ZNF618: variants seen among roughly 807,000 people sequenced by gnomAD.
ZNF618 encodes the protein zinc finger protein 618.
A neutral mutation model predicts 103.0 loss-of-function variants in ZNF618; 34 were observed. The ratio of observed to expected loss-of-function variants is 0.33; its 90% CI spans 0.25 to 0.44. ZNF618 has a LOEUF of 0.44. ZNF618 is among the 20% of genes least tolerant of loss of function. The probability of loss-of-function intolerance (pLI) is 1.00; values close to 1 mark genes in which losing one functional copy is unlikely to be tolerated. For missense variants in ZNF618, 1,059 were observed against 1,295.4 expected, an observed-to-expected ratio of 0.82 and a Z score of 2.80; for synonymous variants, 551 against 542.2, an observed-to-expected ratio of 1.02 and a Z score of -0.23.
intron 1 of ZNF618, among the ~76,000 whole-genome samples, chr9:113,913,129 G>T (rs902705693): frequency 5.3e-5 from 8 of 152,198 alleles, no homozygotes; most frequent in Admixed American, 2.0e-4. Context: ...GCTGCCACGT[G>T]TAAGAGCTGC....
At chr9:113,880,448 A>G (rs1383094084) in intron 1 of ZNF618, among the ~76,000 whole-genome samples, 3 of 152,178 alleles carry the variant, frequency 2.0e-5, no homozygotes, top group Admixed American at 2.0e-4. Context: ...GGAATTGGTT[A>G]TGGCTGCCTG....
chr9:113,951,609 A>G (rs376061641), intron 1 of ZNF618, among the ~76,000 whole-genome samples: 1,614 of 101,356 alleles, frequency 0.016, 107 homozygotes, highest in African/African-American at 0.017. Context: ...ATATATATGT[A>G]TATATATATA....
intron 1 of ZNF618, among the ~76,000 whole-genome samples, chr9:113,891,366 A>G (rs1490933654): frequency 2.0e-5 from 3 of 152,260 alleles, no homozygotes; most frequent in Non-Finnish European, 4.4e-5. Flanking sequence ...CCGAAGAAAT[A>G]TACAGATGGC....
intron 3 of ZNF618, among the ~76,000 whole-genome samples, chr9:113,992,350 C>T (rs575969417): frequency 1.8e-4 from 27 of 152,260 alleles, no homozygotes; most frequent in African/African-American, 6.5e-4. Context: ...CATTTTCTTT[C>T]GTGTTATGAA....
chr9:113,889,938 T>C (rs1282421104), intron 1 of ZNF618, among the ~76,000 whole-genome samples: 1 of 152,210 alleles, frequency 6.6e-6, no homozygotes, highest in Non-Finnish European at 1.5e-5. Flanking sequence ...AGTCCCTTGA[T>C]CTTCAAAACA....
At chr9:113,922,203 A>G (rs1479910994) in intron 1 of ZNF618, among the ~76,000 whole-genome samples, 3 of 152,268 alleles carry the variant, frequency 2.0e-5, no homozygotes, top group Non-Finnish European at 2.9e-5. Flanking sequence ...GGGACAATTT[A>G]TGCAGATAAA....
chr9:113,948,399 T>G (rs1034173858), intron 1 of ZNF618, among the ~76,000 whole-genome samples: 9 of 152,148 alleles, frequency 5.9e-5, no homozygotes, highest in Non-Finnish European at 1.2e-4. Context: ...TCTCTGGAAA[T>G]CCAGATCCTC....
At chr9:114,021,059 T>C (rs1843036133) in intron 10 of ZNF618, among the ~76,000 whole-genome samples, 3 of 152,100 alleles carry the variant, frequency 2.0e-5, no homozygotes, top group African/African-American at 7.2e-5. Context: ...TTATATTCTC[T>C]TTTGTTAGTA....
intron 3 of ZNF618, among the ~76,000 whole-genome samples, chr9:113,995,569 G>T (rs180807952): frequency 2.6e-5 from 4 of 152,278 alleles, no homozygotes; most frequent in African/African-American, 9.6e-5. Context: ...GCTGGCAGTG[G>T]ATAGAGTTTT....
chr9:113,964,498 A>ATG (rs1837174338), intron 1 of ZNF618, among the ~76,000 whole-genome samples: 1 of 152,040 alleles, frequency 6.6e-6, no homozygotes, highest in South Asian at 2.1e-4. Flanking sequence ...TTCCCGGGCA[A>ATG]TGAAGGGAGG....
At chr9:113,987,361 T>G (rs187968784) in intron 2 of ZNF618, among the ~76,000 whole-genome samples, 4 of 152,332 alleles carry the variant, frequency 2.6e-5, no homozygotes, top group Non-Finnish European at 5.9e-5. Context: ...CTTTAGTCCT[T>G]AGTGTCCCCC....
chr9:113,894,129 C>T (rs1829843211), intron 1 of ZNF618, among the ~76,000 whole-genome samples: 1 of 152,104 alleles, frequency 6.6e-6, no homozygotes, highest in African/African-American at 2.4e-5. Context: ...ATTTTTAAAT[C>T]TCACATTTTA....
At chr9:113,955,146 CTTTTT>C (rs3034066) in intron 1 of ZNF618, among the ~76,000 whole-genome samples, 2 of 130,544 alleles carry the variant, frequency 1.5e-5, no homozygotes, top group African/African-American at 2.8e-5. Flanking sequence ...AGTGACTTCT[CTTTTT>C]TTTTTTTTTT....
intron 1 of ZNF618, among the ~76,000 whole-genome samples, chr9:113,953,226 A>G (rs1201799512): frequency 1.3e-5 from 2 of 152,152 alleles, no homozygotes; most frequent in African/African-American, 4.8e-5. Flanking sequence ...TGAACTTCCC[A>G]TTGAAGGGGT....
intron 3 of ZNF618, among the ~76,000 whole-genome samples, chr9:113,989,703 G>T (rs1023733082): frequency 6.6e-6 from 1 of 152,198 alleles, no homozygotes; most frequent in South Asian, 2.1e-4. Flanking sequence ...TCCTGTATGC[G>T]GCACCATGGC....
intron 10 of ZNF618, among the ~76,000 whole-genome samples, chr9:114,023,502 G>A (rs1457066603): frequency 1.3e-5 from 2 of 152,058 alleles, no homozygotes; most frequent in Non-Finnish European, 2.9e-5. Flanking sequence ...ACAGTAATTT[G>A]TTAAAGTAAC....
chr9:114,001,937 C>A, intron 4 of ZNF618, 59 bp from the exon 5 acceptor site: 1 of 1,459,376 alleles, frequency 6.9e-7, no homozygotes, highest in Non-Finnish European at 9.6e-7. Context: ...GCCTGTGGGT[C>A]CTGGGACCTT....
intron 2 of ZNF618, among the ~76,000 whole-genome samples, chr9:113,976,927 G>A (rs990620955): frequency 3.3e-5 from 5 of 152,144 alleles, no homozygotes; most frequent in African/African-American, 1.2e-4. Context: ...TGTGGACAGG[G>A]TATGGCTCCT....
At chr9:113,890,686 A>G (rs1473373680) in intron 1 of ZNF618, among the ~76,000 whole-genome samples, 1 of 152,168 alleles carries the variant, frequency 6.6e-6, no homozygotes, top group Non-Finnish European at 1.5e-5. Context: ...AGAACTTGCC[A>G]AGTGTCTCCC....
Sources: allele counts gnomAD v4.1 joint callset (sites outside exome capture counted in the v4.1 genomes callset), GRCh38; gene constraint gnomAD v4.1.1; transcripts MANE v1.5; gene names NCBI Gene and HGNC (gene_info 2026-07-23, HGNC 2026-07-21).